Variants in BLTP3A observed in about 807,000 individuals in gnomAD.
BLTP3A encodes ICBP90 binding protein 1.
the BLTP3A span, among the ~76,000 whole-genome samples, chr6:34,810,691 A>T: frequency 6.6e-6 from 1 of 151,808 alleles, no homozygotes; most frequent in African/African-American, 2.4e-5. Context: ...CTGGTCTCAA[A>T]CTCCTGGGCT....
chr6:34,863,999 CAG>C, the BLTP3A span: 1 of 1,542,652 alleles, frequency 6.5e-7, no homozygotes, highest in Non-Finnish European at 8.7e-7. Context: ...TTTTTTTAAA[CAG>C]GGAGCCCATG....
chr6:34,857,339 C>T, the BLTP3A span: 1 of 1,612,898 alleles, frequency 6.2e-7, no homozygotes, highest in Non-Finnish European at 8.5e-7. Flanking sequence ...GTTTCCACCG[C>T]TGGACAGCCA....
At chr6:34,805,207 AGAG>A in the BLTP3A span, among the ~76,000 whole-genome samples, 1 of 152,124 alleles carries the variant, frequency 6.6e-6, no homozygotes, top group East Asian at 1.9e-4. Flanking sequence ...CCTTAGCCTG[AGAG>A]GTCGAGGCTT....
At chr6:34,867,730 T>C in the BLTP3A span, 2 of 1,354,430 alleles carry the variant, frequency 1.5e-6, no homozygotes, top group Non-Finnish European at 2.0e-6. Flanking sequence ...TGCCAAGTTC[T>C]CTCCAGCAGC....
chr6:34,820,872 G>C, the BLTP3A span, among the ~76,000 whole-genome samples: 4 of 134,296 alleles, frequency 3.0e-5, no homozygotes, highest in Admixed American at 1.6e-4. Context: ...GGCTTGTCTC[G>C]ATCTCCTAGG....
chr6:34,834,252 T>A, the BLTP3A span: 1 of 1,614,060 alleles, frequency 6.2e-7, no homozygotes, highest in Non-Finnish European at 8.5e-7. Context: ...GTGGAAGGGA[T>A]GTTCATCATT....
At chr6:34,831,215 C>T in the BLTP3A span, among the ~76,000 whole-genome samples, 2 of 151,928 alleles carry the variant, frequency 1.3e-5, no homozygotes, top group Admixed American at 6.6e-5. Context: ...GCAACCTCCA[C>T]CTCCTGGGTT....
the BLTP3A span, among the ~76,000 whole-genome samples, chr6:34,846,317 G>C: frequency 6.6e-6 from 1 of 151,700 alleles, no homozygotes; most frequent in African/African-American, 2.4e-5. Context: ...GCTAATTTTT[G>C]TATTTTTAGT....
chr6:34,840,261 CAT>C, the BLTP3A span, among the ~76,000 whole-genome samples: 1 of 151,976 alleles, frequency 6.6e-6, no homozygotes. Context: ...GGTTTAAATA[CAT>C]ATTATTGGCC....
the BLTP3A span, chr6:34,858,572 C>T: frequency 6.2e-7 from 1 of 1,614,192 alleles, no homozygotes; most frequent in Non-Finnish European, 8.5e-7. Context: ...CAAGCCCAGG[C>T]ACGGAAGCTT....
chr6:34,863,320 C>CT, the BLTP3A span, among the ~76,000 whole-genome samples: 1 of 152,092 alleles, frequency 6.6e-6, no homozygotes, highest in African/African-American at 2.4e-5. Context: ...GTGTTAATGC[C>CT]TTTTTAACTT....
the BLTP3A span, among the ~76,000 whole-genome samples, chr6:34,820,814 A>ATTTTTTTT: frequency 1.9e-5 from 2 of 102,814 alleles, no homozygotes; most frequent in Admixed American, 1.1e-4. Flanking sequence ...ACCATGCCTA[A>ATTTTTTTT]TTTTTTTTTT....
At chr6:34,858,316 G>A in the BLTP3A span, 1 of 1,614,066 alleles carries the variant, frequency 6.2e-7, no homozygotes, top group Non-Finnish European at 8.5e-7. Context: ...CTTTCCTAAG[G>A]TTCCAGGTGG....
the BLTP3A span, among the ~76,000 whole-genome samples, chr6:34,826,521 A>G: frequency 6.6e-6 from 1 of 151,856 alleles, no homozygotes; most frequent in African/African-American, 2.4e-5. Context: ...ACTGCACCCA[A>G]TTAATTTTTA....
the BLTP3A span, among the ~76,000 whole-genome samples, chr6:34,802,860 A>G: frequency 1.3e-5 from 2 of 152,142 alleles, no homozygotes; most frequent in South Asian, 4.1e-4. Context: ...GTAAGTAAGT[A>G]GGTTATATTA....
At chr6:34,837,208 GC>G in the BLTP3A span, among the ~76,000 whole-genome samples, 1 of 152,008 alleles carries the variant, frequency 6.6e-6, no homozygotes, top group Non-Finnish European at 1.5e-5. Context: ...TCTCTTGCTG[GC>G]TTATCTTCTC....
chr6:34,853,409 C>G, the BLTP3A span, among the ~76,000 whole-genome samples: 1 of 151,934 alleles, frequency 6.6e-6, no homozygotes, highest in African/African-American at 2.4e-5. Flanking sequence ...GTTGCCCAGG[C>G]CCACCTCAGC....
At chr6:34,834,281 A>G in the BLTP3A span, 1 of 1,614,022 alleles carries the variant, frequency 6.2e-7, no homozygotes, top group Non-Finnish European at 8.5e-7. Flanking sequence ...TATCACCATC[A>G]AGATTCACTC....
At chr6:34,871,224 G>C in the BLTP3A span, 1 of 1,287,604 alleles carries the variant, frequency 7.8e-7, no homozygotes, top group African/African-American at 1.5e-5. Flanking sequence ...CCTTTTCACT[G>C]TAAAATATGG....
Sources: allele counts gnomAD v4.1 joint callset (sites outside exome capture counted in the v4.1 genomes callset), GRCh38; gene constraint gnomAD v4.1.1; transcripts MANE v1.5; gene names NCBI Gene and HGNC (gene_info 2026-07-23, HGNC 2026-07-21).